The following SOX5 variants were observed in gnomAD, a reference collection of about 807,000 sequenced individuals.
SOX5 encodes the protein SRY-box transcription factor 5, also known as transcription factor SOX-5.
A neutral mutation model predicts 92.0 loss-of-function variants in SOX5; 9 were observed. The observed-to-expected ratio is 0.10, with a 90% CI of 0.06 to 0.17. SOX5 has a LOEUF of 0.17. SOX5 is among the 10% of genes least tolerant of loss of function. SOX5 has a pLI of 1.00. For synonymous variants in SOX5, 344 were observed against 336.3 expected (o/e 1.02, Z -0.25); for missense variants, 642 against 944.5 (o/e 0.68, Z 4.20).
At chr12:24,282,408 A>T (rs1475666777) in intron 2 of SOX5, among the ~76,000 whole-genome samples, 1 of 151,578 alleles carries the variant, frequency 6.6e-6, no homozygotes, top group African/African-American at 2.4e-5. Context: ...AAAAATCAAT[A>T]TTCATCAGAA....
At chr12:23,662,630 CT>C (rs2083215709) in intron 7 of SOX5, among the ~76,000 whole-genome samples, 1 of 152,148 alleles carries the variant, frequency 6.6e-6, no homozygotes, top group South Asian at 2.1e-4. Context: ...CAACTAAAAG[CT>C]TCTCTTTCAG....
intron 9 of SOX5, among the ~76,000 whole-genome samples, chr12:23,584,859 G>A (rs1950509523): frequency 6.6e-6 from 1 of 152,012 alleles, no homozygotes; most frequent in Non-Finnish European, 1.5e-5. Context: ...TCATATCACT[G>A]TATTTCATTT....
chr12:23,585,122 G>A (rs1217387009), intron 9 of SOX5, among the ~76,000 whole-genome samples: 2 of 151,976 alleles, frequency 1.3e-5, no homozygotes, highest in African/African-American at 4.8e-5. Flanking sequence ...TTACGTTTAC[G>A]TACAATGCAC....
At chr12:24,038,696 T>C (rs951872686) in intron 4 of SOX5, among the ~76,000 whole-genome samples, 1 of 152,232 alleles carries the variant, frequency 6.6e-6, no homozygotes, top group Non-Finnish European at 1.5e-5. Context: ...TGTTTTAGAT[T>C]TGAGGTCCCC....
At chr12:23,846,986 T>G (rs926158241) in intron 2 of SOX5, among the ~76,000 whole-genome samples, 2 of 152,190 alleles carry the variant, frequency 1.3e-5, no homozygotes, top group African/African-American at 4.8e-5. Flanking sequence ...TTCTAAAATG[T>G]AAATATCTTT....
chr12:23,970,833 T>A (rs1490809476), intron 4 of SOX5, among the ~76,000 whole-genome samples: 1 of 29,782 alleles, frequency 3.4e-5, no homozygotes, highest in African/African-American at 8.7e-5. Context: ...ACTTTATATA[T>A]ATATATAATT....
chr12:23,971,797 G>A (rs1479871171), intron 4 of SOX5, among the ~76,000 whole-genome samples: 1 of 152,048 alleles, frequency 6.6e-6, no homozygotes, highest in East Asian at 1.9e-4. Context: ...GATTTGGGGA[G>A]GGGAAAAGCA....
chr12:24,493,245 T>C (rs1947273471), intron 1 of SOX5, among the ~76,000 whole-genome samples: 1 of 152,166 alleles, frequency 6.6e-6, no homozygotes, highest in Admixed American at 6.5e-5. Flanking sequence ...TGGTTAAAAA[T>C]CAGTGTCAAC....
At chr12:23,702,184 A>G (rs2090745438) in intron 6 of SOX5, among the ~76,000 whole-genome samples, 1 of 152,050 alleles carries the variant, frequency 6.6e-6, no homozygotes, top group South Asian at 2.1e-4. Flanking sequence ...CAAGATTCCC[A>G]TGTTTAATAT....
chr12:23,728,480 A>ACAT (rs1273776058), intron 6 of SOX5, among the ~76,000 whole-genome samples: 5 of 152,194 alleles, frequency 3.3e-5, no homozygotes, highest in African/African-American at 1.2e-4. Context: ...AAGAAATCAT[A>ACAT]CATCAGCAGG....
chr12:24,090,602 T>C (rs1944526626), intron 4 of SOX5, among the ~76,000 whole-genome samples: 2 of 152,202 alleles, frequency 1.3e-5, no homozygotes, highest in Admixed American at 6.5e-5. Context: ...ATATTTCAAA[T>C]ACTCAGATTA....
intron 9 of SOX5, among the ~76,000 whole-genome samples, chr12:23,596,188 A>T (rs1047855442): frequency 3.9e-5 from 6 of 152,072 alleles, no homozygotes; most frequent in Non-Finnish European, 7.4e-5. Context: ...TTACATGTCT[A>T]TTTTCCAACC....
chr12:24,133,600 T>C (rs1477900985), intron 4 of SOX5, among the ~76,000 whole-genome samples: 1 of 151,990 alleles, frequency 6.6e-6, no homozygotes, highest in Non-Finnish European at 1.5e-5. Context: ...TGGGGGACTG[T>C]GGCGGGGATG....
intron 8 of SOX5, among the ~76,000 whole-genome samples, chr12:23,625,556 G>A (rs1022423625): frequency 1.6e-4 from 24 of 152,122 alleles, no homozygotes; most frequent in African/African-American, 5.1e-4. Flanking sequence ...CTTGACTCAT[G>A]TGCTCACATA....
chr12:23,540,235 A>G (rs1941657715), intron 13 of SOX5, among the ~76,000 whole-genome samples: 1 of 151,936 alleles, frequency 6.6e-6, no homozygotes, highest in Non-Finnish European at 1.5e-5. Flanking sequence ...GCAGAGAAGG[A>G]GGGATAGCAT....
intron 4 of SOX5, among the ~76,000 whole-genome samples, chr12:24,109,715 AAAC>A (rs1947103024): frequency 2.0e-5 from 3 of 152,254 alleles, no homozygotes; most frequent in African/African-American, 7.2e-5. Flanking sequence ...AATTAGTTTT[AAAC>A]AACAACAATG....
In SOX5 at chr12:24,236,364, C is replaced by T. The variant is rs140543255; in HGVS notation, c.-76-22947G>A. Among the ~76,000 whole-genome samples the T allele has an allele frequency of 1.8e-3, 268 of 152,242 alleles. 1 individual carries two copies. The highest frequency in any genetic ancestry group is 6.2e-3 in the African/African-American group (258 of 41,542). On this transcript the variant is annotated intron_variant, in intron 3 of 4. Transcript: ENST00000446891. ...CACTACATTCATCAATCAGACTACA[C>T]ATTAAATTCATTAACTTAATGATAT...
intron 4 of SOX5, among the ~76,000 whole-genome samples, chr12:24,071,066 C>A (rs749262761): frequency 6.6e-6 from 1 of 152,160 alleles, no homozygotes. Context: ...AGAAGACTGG[C>A]GTTTCTGTCC....
intron 1 of SOX5, among the ~76,000 whole-genome samples, chr12:24,524,883 C>G (rs1264020757): frequency 6.6e-6 from 1 of 152,030 alleles, no homozygotes; most frequent in East Asian, 1.9e-4. Context: ...TCGGCTGGGC[C>G]TGGTGGCATG....
Sources: gnomAD v4.1 joint callset for allele counts (sites outside exome capture counted in the v4.1 genomes callset) on GRCh38, gnomAD v4.1.1 for gene constraint, MANE v1.5 for transcripts, NCBI Gene and HGNC (gene_info 2026-07-23, HGNC 2026-07-21) for gene names.